TNS1: variants seen among roughly 807,000 people sequenced by gnomAD.
The protein encoded by TNS1 is tensin-1.
TNS1 carries 62 observed loss-of-function variants against 168.6 expected under a neutral mutation model. That is an observed-to-expected ratio of 0.37 (90% CI 0.30 to 0.45). The LOEUF (loss-of-function observed/expected upper bound fraction) is 0.45, where lower values mean the gene tolerates loss of function less well. Ranked by LOEUF, TNS1 falls within the 20% of genes least tolerant of loss-of-function variation. The pLI is 1.00. For missense variants in TNS1, 2,240 were observed against 2,339.4 expected, an observed-to-expected ratio of 0.96 and a Z score of 0.88; for synonymous variants, 934 against 933.2, an observed-to-expected ratio of 1.00 and a Z score of -0.02.
chr2:217,855,370 C>T (rs1379318272), intron 18 of TNS1, among the ~76,000 whole-genome samples: 1 of 152,224 alleles, frequency 6.6e-6, no homozygotes, highest in Non-Finnish European at 1.5e-5. Flanking sequence ...GTTCAAACTT[C>T]CCTGGGAAAT....
At chr2:217,838,456 C>T (rs1264729369) in intron 19 of TNS1, among the ~76,000 whole-genome samples, 1 of 152,242 alleles carries the variant, frequency 6.6e-6, no homozygotes, top group Non-Finnish European at 1.5e-5. Flanking sequence ...CTCTCTCCAT[C>T]ACCACCAGAA....
intron 3 of TNS1, among the ~76,000 whole-genome samples, chr2:217,958,181 A>C (rs1044422981): frequency 6.6e-6 from 1 of 152,228 alleles, no homozygotes; most frequent in African/African-American, 2.4e-5. Context: ...TCTATCACTT[A>C]GAATACATAA....
chr2:217,952,133 C>T (rs1421578863), intron 3 of TNS1, among the ~76,000 whole-genome samples: 1 of 152,202 alleles, frequency 6.6e-6, no homozygotes, highest in Non-Finnish European at 1.5e-5. Context: ...AAAGAACAGG[C>T]GGCCGGAGGG....
intron 1 of TNS1, among the ~76,000 whole-genome samples, chr2:217,999,447 G>A (rs948530976): frequency 2.0e-5 from 3 of 152,204 alleles, no homozygotes; most frequent in East Asian, 1.9e-4. Context: ...TGACAGGCCC[G>A]GGATCCAGCC....
chr2:217,946,528 G>A (rs1957109046), intron 3 of TNS1, among the ~76,000 whole-genome samples: 1 of 152,222 alleles, frequency 6.6e-6, no homozygotes, highest in Non-Finnish European at 1.5e-5. Flanking sequence ...GCACTAGGCT[G>A]TACCAAAGAT....
intron 22 of TNS1, among the ~76,000 whole-genome samples, chr2:217,825,563 G>A (rs891979985): frequency 2.6e-5 from 4 of 152,148 alleles, no homozygotes; most frequent in South Asian, 2.1e-4. Flanking sequence ...ATTGCCCTAC[G>A]CCCCACCCTT....
In TNS1 at chr2:217,817,786, A is replaced by G. The variant is rs143109214; in HGVS notation, c.4546T>C (p.Ser1516Pro). 4.3e-6 allele frequency: 7 copies of G among 1,614,166 alleles called. No individual in the cohort carries two copies. In the Admixed American group the frequency reaches 1.2e-4, roughly 27 times the overall value. ...GACATGCCGCTGGCGACAGGCGAAG[A>G]CACCTTCCCATTGATGGTGGCATAG... is the stretch of plus-strand genomic sequence containing the variant. ...PNYATINGKV[S>P]SPVASGMSSP... Residue 1516 changes from serine to proline, a missense_variant, in exon 24 of 33, where the codon TCT becomes CCT. Transcript: ENST00000682258.
chr2:218,031,406 TGA>T (rs980841495), intron 1 of TNS1, among the ~76,000 whole-genome samples: 3 of 151,072 alleles, frequency 2.0e-5, no homozygotes, highest in Non-Finnish European at 4.4e-5. Flanking sequence ...TGTGAGTGTG[TGA>T]GTGCACCTGT....
intron 6 of TNS1, among the ~76,000 whole-genome samples, chr2:217,903,238 G>A (rs1953229017): frequency 6.6e-6 from 1 of 152,056 alleles, no homozygotes; most frequent in African/African-American, 2.4e-5. Context: ...AGGAAGTGAA[G>A]TCCCTGACCT....
In TNS1 at chr2:217,903,781, G is replaced by A. The variant is rs1200989408; in HGVS notation, c.321+2554C>T. 10 of 627,102 alleles carry A rather than the reference G, an allele frequency of 1.6e-5. No individual in the cohort carries two copies. In the East Asian group the frequency reaches 2.8e-4, roughly 17 times the overall value. 38.8% of individuals were successfully genotyped at this position (627,102 alleles called of 1,614,324 possible). On this transcript the variant is annotated intron_variant, in intron 6 of 32. Transcript: ENST00000682258. ...GCCTTGGTCCTCATTGCAGGCAAGA[G>A]TGGATCACCACTCAGACACTACTGG...
At chr2:217,823,333 A>G in intron 22 of TNS1, among the ~76,000 whole-genome samples, 1 of 151,718 alleles carries the variant, frequency 6.6e-6, no homozygotes, top group East Asian at 1.9e-4. Flanking sequence ...TTCTTTACCA[A>G]AATAGTCAGG....
In TNS1 at chr2:217,897,915, G is replaced by A. The variant is rs111608091; in HGVS notation, c.426C>T (p.Tyr142=). Residue 142 remains tyrosine (Y), a synonymous_variant, in exon 8 of 33, where the codon TAC becomes TAT. Transcript: ENST00000682258. ...AGACAGCGATGATCCTCTCTGTGAC[G>A]TACACCAGGTCCAGCTCACAGCTGT... ...MEDSCELDLV[Y]VTERIIAVSF... 1.8e-4 allele frequency: 291 copies of A among 1,613,020 alleles called. 2 individuals are homozygous for A. The African/African-American group carries it at 2.9e-3, about 16-fold the overall frequency.
intron 24 of TNS1, among the ~76,000 whole-genome samples, chr2:217,816,449 C>T (rs1941896967): frequency 6.6e-6 from 1 of 152,162 alleles, no homozygotes; most frequent in South Asian, 2.1e-4. Context: ...TGGGATCTGT[C>T]TCCGGGCGAG....
chr2:217,812,291 A>G (rs1941061513), intron 28 of TNS1, 77 bp downstream of exon 28: 2 of 1,257,520 alleles, frequency 1.6e-6, no homozygotes, highest in South Asian at 2.6e-5. Flanking sequence ...CCATGTCCGG[A>G]GTGGCTGGCA....
intron 7 of TNS1, 87 bp from the exon 8 acceptor site, chr2:217,898,056 G>C: frequency 7.1e-7 from 1 of 1,415,550 alleles, no homozygotes; most frequent in African/African-American, 1.5e-5. Context: ...TACACACCCT[G>C]TGTGACCCCC....
At chr2:217,859,130 C>T (rs374660506) in intron 18 of TNS1, 180 of 170,442 alleles carry the variant, frequency 1.1e-3, no homozygotes, top group African/African-American at 3.5e-3. Flanking sequence ...CCCCAGTGCC[C>T]TGAAGAGAAG....
At chr2:217,838,147 C>T (rs1945423259) in intron 19 of TNS1, among the ~76,000 whole-genome samples, 2 of 152,246 alleles carry the variant, frequency 1.3e-5, no homozygotes, top group African/African-American at 2.4e-5. Flanking sequence ...GTTCCGGGCT[C>T]CTCTGCCCCC....
At chr2:218,007,648 G>A (rs1958671903), upstream of TNS1, among the ~76,000 whole-genome samples, 1 of 151,844 alleles carries the variant, frequency 6.6e-6, no homozygotes, top group Admixed American at 6.6e-5. Flanking sequence ...GTCAGGATGA[G>A]ACCAACTGGC....
At chr2:217,888,230 C>T (rs1240407646) in intron 12 of TNS1, among the ~76,000 whole-genome samples, 1 of 152,150 alleles carries the variant, frequency 6.6e-6, no homozygotes, top group African/African-American at 2.4e-5. Context: ...ACAATGAGTC[C>T]GGAGGCGGGT....
Sources: allele counts gnomAD v4.1 joint callset (sites outside exome capture counted in the v4.1 genomes callset), GRCh38; gene constraint gnomAD v4.1.1; transcripts MANE v1.5; gene names NCBI Gene and HGNC (gene_info 2026-07-23, HGNC 2026-07-21).